The following OTUD7A variants were observed in gnomAD, a reference collection of about 807,000 sequenced individuals.
OTUD7A encodes OTU domain-containing protein 7A.
OTUD7A carries 12 observed loss-of-function variants against 65.7 expected under a neutral mutation model. The observed-to-expected ratio is 0.18, with a 90% CI of 0.12 to 0.30. OTUD7A has a LOEUF of 0.30. Ranked by LOEUF, OTUD7A falls within the 10% of genes least tolerant of loss-of-function variation. The pLI is 1.00. For synonymous variants in OTUD7A, 641 were observed against 586.3 expected, an observed-to-expected ratio of 1.09 and a Z score of -1.35; for missense variants, 1,148 against 1,304.8, an observed-to-expected ratio of 0.88 and a Z score of 1.85.
chr15:31,679,820 T>C (rs1892672928), intron 1 of OTUD7A, among the ~76,000 whole-genome samples: 2 of 151,800 alleles, frequency 1.3e-5, no homozygotes, highest in African/African-American at 2.4e-5. Context: ...AAACTGATAA[T>C]AGCAAAAACC....
chr15:31,766,443 G>A, intron 1 of OTUD7A: 1 of 1,581,770 alleles, frequency 6.3e-7, no homozygotes, highest in Non-Finnish European at 8.7e-7. Context: ...CAACACAGAA[G>A]AAGCTGGAAG....
intron 1 of OTUD7A, among the ~76,000 whole-genome samples, chr15:31,775,640 T>C (rs1379281970): frequency 6.6e-6 from 1 of 152,238 alleles, no homozygotes; most frequent in Admixed American, 6.5e-5. Flanking sequence ...AAACGTGATC[T>C]GTTTTCCCCA....
chr15:31,834,377 T>C (rs1319760522), intron 1 of OTUD7A, among the ~76,000 whole-genome samples: 1 of 152,238 alleles, frequency 6.6e-6, no homozygotes, highest in Non-Finnish European at 1.5e-5. Context: ...TCAGTCTTCG[T>C]CTTGCTGGTA....
At chr15:31,769,223 A>G (rs1474747559) in intron 1 of OTUD7A, among the ~76,000 whole-genome samples, 1 of 152,218 alleles carries the variant, frequency 6.6e-6, no homozygotes, top group Non-Finnish European at 1.5e-5. Flanking sequence ...TATTAACATC[A>G]GATATATTGT....
At chr15:31,631,821 C>G (rs531475840) in intron 3 of OTUD7A, among the ~76,000 whole-genome samples, 6 of 152,158 alleles carry the variant, frequency 3.9e-5, no homozygotes, top group African/African-American at 9.7e-5. Context: ...CTTCCCTTCT[C>G]GCTTCATTTC....
At chr15:31,754,092 T>C (rs956188019) in intron 1 of OTUD7A, among the ~76,000 whole-genome samples, 1 of 152,192 alleles carries the variant, frequency 6.6e-6, no homozygotes, top group African/African-American at 2.4e-5. Context: ...CATTATGGTT[T>C]TGATTTGCAT....
chr15:31,844,720 GA>G (rs1409282661), intron 1 of OTUD7A, among the ~76,000 whole-genome samples: 1 of 152,178 alleles, frequency 6.6e-6, no homozygotes, highest in Non-Finnish European at 1.5e-5. Context: ...TTACTAAGCA[GA>G]AAACATCAAT....
chr15:31,786,097 A>C (rs1005745866), intron 1 of OTUD7A, among the ~76,000 whole-genome samples: 1 of 152,132 alleles, frequency 6.6e-6, no homozygotes, highest in African/African-American at 2.4e-5. Flanking sequence ...CCCTCTCGCC[A>C]TATGATGCCG....
chr15:31,561,784 T>TCACACACACACACACACACACACA (rs3075495), intron 4 of OTUD7A, among the ~76,000 whole-genome samples: 4 of 150,424 alleles, frequency 2.7e-5, no homozygotes, highest in South Asian at 4.2e-4. Context: ...ACACACAGAG[T>TCACACACACACACACACACACACA]CACACACACA....
At chr15:31,732,231 T>C (rs998628169) in intron 1 of OTUD7A, among the ~76,000 whole-genome samples, 2 of 152,216 alleles carry the variant, frequency 1.3e-5, no homozygotes, top group African/African-American at 2.4e-5. Flanking sequence ...GCAGAAACCA[T>C]GTAGATGCAT....
At chr15:31,503,173 G>A (rs2041498416) in intron 9 of OTUD7A, among the ~76,000 whole-genome samples, 1 of 152,242 alleles carries the variant, frequency 6.6e-6, no homozygotes, top group Non-Finnish European at 1.5e-5. Flanking sequence ...CATTCTAGAA[G>A]GGGCTGTGCA....
intron 3 of OTUD7A, among the ~76,000 whole-genome samples, chr15:31,620,287 G>A (rs1356623561): frequency 6.6e-6 from 1 of 152,162 alleles, no homozygotes; most frequent in Non-Finnish European, 1.5e-5. Context: ...CTCATAAAAT[G>A]AGTTAGGAAG....
chr15:31,679,744 C>G (rs1892670836), intron 1 of OTUD7A, among the ~76,000 whole-genome samples: 1 of 152,182 alleles, frequency 6.6e-6, no homozygotes, highest in South Asian at 2.1e-4. Context: ...ATAAATTACC[C>G]AATCTTGGGC....
At chr15:31,797,205 A>G (rs929585797) in intron 1 of OTUD7A, among the ~76,000 whole-genome samples, 1 of 152,140 alleles carries the variant, frequency 6.6e-6, no homozygotes, top group East Asian at 1.9e-4. Flanking sequence ...TGCCTCTGAG[A>G]CGTGATTCTA....
At chr15:31,671,015 C>G (rs1892471650) in intron 1 of OTUD7A, among the ~76,000 whole-genome samples, 1 of 152,054 alleles carries the variant, frequency 6.6e-6, no homozygotes, top group Non-Finnish European at 1.5e-5. Context: ...AAAATCTTCT[C>G]CCATTCTGTA....
At position 31,510,995 on chromosome 15, in the gene OTUD7A, T is replaced by G. The variant is rs553158456; in HGVS notation, c.894-7177A>C. 2.4e-5 allele frequency among the ~76,000 whole-genome samples: 2 copies of G among 84,804 alleles called. 1 individual carries two copies. Among genetic ancestry groups the G allele is most frequent in the Non-Finnish European group, 4.3e-5 (2 of 46,838 alleles). 55.6% of individuals were successfully genotyped at this position (84,804 alleles called of 152,430 possible). On this transcript the variant is annotated intron_variant, in intron 8 of 12. Coordinates refer to ENST00000307050, the MANE Select transcript of OTUD7A (RefSeq NM_001382637.1). ...AACATATGTATATCTATATGTAACA[T>G]ATGTATATCTATATGTAACATACAT...
chr15:31,818,231 G>A (rs889210342), intron 1 of OTUD7A, among the ~76,000 whole-genome samples: 1 of 152,136 alleles, frequency 6.6e-6, no homozygotes, highest in African/African-American at 2.4e-5. Flanking sequence ...TAGCAGTGAG[G>A]ATGGACTAGG....
intron 3 of OTUD7A, among the ~76,000 whole-genome samples, chr15:31,651,572 AACACAC>A (rs60554390): frequency 0.042 from 5,863 of 140,818 alleles, 178 homozygotes; most frequent in Non-Finnish European, 0.056. Context: ...AATCCCAAGG[AACACAC>A]ACACACACAC....
At chr15:31,494,795 T>C (rs761168772) in intron 10 of OTUD7A, among the ~76,000 whole-genome samples, 2 of 152,234 alleles carry the variant, frequency 1.3e-5, no homozygotes, top group African/African-American at 4.8e-5. Context: ...GAGTGCTGGC[T>C]GCTCCTGTCC....
Sources: gnomAD v4.1 joint callset for allele counts (sites outside exome capture counted in the v4.1 genomes callset) on GRCh38, gnomAD v4.1.1 for gene constraint, MANE v1.5 for transcripts, NCBI Gene and HGNC (gene_info 2026-07-23, HGNC 2026-07-21) for gene names.